Variants in CEP112 observed in about 807,000 individuals in gnomAD.
The protein encoded by CEP112 is centrosomal protein of 112 kDa.
CEP112 carries 127 observed loss-of-function variants against 153.0 expected under a neutral mutation model. The ratio of observed to expected loss-of-function variants is 0.83; its 90% confidence interval spans 0.72 to 0.96. The LOEUF (loss-of-function observed/expected upper bound fraction) is 0.96, where lower values mean the gene tolerates loss of function less well. Ranked by LOEUF, CEP112 falls within the 40% of genes least tolerant of loss-of-function variation. CEP112 has a pLI of 0.00. For missense variants in CEP112, 1,089 were observed against 1,101.2 expected, an observed-to-expected ratio of 0.99 and a Z score of 0.16; for synonymous variants, 358 against 374.4, an observed-to-expected ratio of 0.96 and a Z score of 0.51.
chr17:65,708,304 A>G (rs1376604820), intron 23 of CEP112, among the ~76,000 whole-genome samples: 2 of 152,192 alleles, frequency 1.3e-5, no homozygotes, highest in African/African-American at 4.8e-5. Flanking sequence ...AGTCCATTTG[A>G]TCTCCCACTA....
At chr17:65,707,312 C>A (rs183000378) in intron 23 of CEP112, among the ~76,000 whole-genome samples, 1 of 151,984 alleles carries the variant, frequency 6.6e-6, no homozygotes, top group Non-Finnish European at 1.5e-5. Flanking sequence ...CATGCATAAC[C>A]TACCCACTTC....
intron 6 of CEP112, among the ~76,000 whole-genome samples, chr17:66,120,389 C>T (rs926494715): frequency 7.2e-5 from 11 of 152,030 alleles, no homozygotes; most frequent in Admixed American, 6.5e-4. Flanking sequence ...TTAGTAGAGA[C>T]GAGGTTTTAC....
At chr17:66,131,475 C>T (rs919929616) in intron 5 of CEP112, among the ~76,000 whole-genome samples, 1 of 152,202 alleles carries the variant, frequency 6.6e-6, no homozygotes, top group African/African-American at 2.4e-5. Context: ...GGGGCAGTGG[C>T]TCACGCCTGT....
intron 4 of CEP112, among the ~76,000 whole-genome samples, chr17:66,151,124 CT>C (rs35033007): frequency 0.38 from 57,762 of 151,934 alleles, 11,721 homozygotes; most frequent in Non-Finnish European, 0.46. Flanking sequence ...TTGGCTCTTG[CT>C]TTTTTTATCC....
intron 21 of CEP112, among the ~76,000 whole-genome samples, chr17:65,845,424 T>C (rs1031201884): frequency 3.3e-5 from 5 of 152,218 alleles, no homozygotes; most frequent in Admixed American, 6.5e-5. Flanking sequence ...TGGAATATTC[T>C]TAGTATAATG....
chr17:65,925,091 T>A (rs534646254), intron 19 of CEP112, among the ~76,000 whole-genome samples: 1 of 152,152 alleles, frequency 6.6e-6, no homozygotes, highest in Non-Finnish European at 1.5e-5. Context: ...AATCCCCACG[T>A]GTGAAGGGCG....
At chr17:65,936,002 T>G (rs1405889889) in intron 18 of CEP112, among the ~76,000 whole-genome samples, 1 of 151,948 alleles carries the variant, frequency 6.6e-6, no homozygotes, top group Admixed American at 6.6e-5. Context: ...TACTAAACAT[T>G]AGCTTGACTA....
intron 18 of CEP112, among the ~76,000 whole-genome samples, chr17:65,927,981 A>T (rs2060989832): frequency 6.6e-6 from 1 of 152,210 alleles, no homozygotes; most frequent in South Asian, 2.1e-4. Context: ...AAATTTAATT[A>T]AGCCCTTGGT....
At position 65,972,986 on chromosome 17, in the gene CEP112, G is replaced by A. The variant is rs9916652; in HGVS notation, c.1737-11388C>T. On this transcript the variant is annotated intron_variant, in intron 17 of 26. Coordinates refer to ENST00000535342, the MANE Select transcript of CEP112 (RefSeq NM_001199165.4). Reference sequence around the variant, plus strand: ...TCACCATGTTGGCCAGGCTGATCTCGAACTCCTGACCTCAGGTGATCTGCC... The same window carrying A: ...TCACCATGTTGGCCAGGCTGATCTCAAACTCCTGACCTCAGGTGATCTGCC... 1.5e-3 allele frequency among the ~76,000 whole-genome samples: 233 copies of A among 152,254 alleles called. 2 individuals are homozygous for A. Among genetic ancestry groups the A allele is most frequent in the African/African-American group, 5.4e-3 (223 of 41,554 alleles).
At chr17:66,089,769 C>T (rs2068068395) in intron 8 of CEP112, among the ~76,000 whole-genome samples, 1 of 151,964 alleles carries the variant, frequency 6.6e-6, no homozygotes, top group African/African-American at 2.4e-5. Flanking sequence ...TTTATTTAAA[C>T]AAATAATAGC....
chr17:65,647,026 C>G (rs927125621), intron 24 of CEP112, among the ~76,000 whole-genome samples: 1 of 152,114 alleles, frequency 6.6e-6, no homozygotes, highest in Non-Finnish European at 1.5e-5. Flanking sequence ...TATGTCTGAC[C>G]TAAAATAAAA....
At chr17:65,678,671 C>A (rs2047354853) in intron 24 of CEP112, among the ~76,000 whole-genome samples, 1 of 152,156 alleles carries the variant, frequency 6.6e-6, no homozygotes, top group Non-Finnish European at 1.5e-5. Flanking sequence ...TCTTCGTCAT[C>A]CGTCAGTATT....
At chr17:65,920,401 AT>A (rs1568230062) in intron 19 of CEP112, among the ~76,000 whole-genome samples, 8 of 117,206 alleles carry the variant, frequency 6.8e-5, no homozygotes, top group East Asian at 5.3e-4. Context: ...ATATATATAT[AT>A]ATAATTATAA....
At chr17:65,796,104 TAA>T (rs1342115068) in intron 21 of CEP112, among the ~76,000 whole-genome samples, 2 of 152,180 alleles carry the variant, frequency 1.3e-5, no homozygotes, top group Non-Finnish European at 2.9e-5. Flanking sequence ...AAGAACCAGT[TAA>T]AGTTACATCT....
Position 66,028,326 on chromosome 17 carries a change from T to C in CEP112, c.1583A>G (p.Lys528Arg), listed in dbSNP as rs976015872. Residue 528 changes from lysine (K) to arginine (R), a missense_variant, in exon 15 of 27, where the codon AAG becomes AGG. Coordinates refer to ENST00000535342, the MANE Select transcript of CEP112 (RefSeq NM_001199165.4). ...QQLQESELQR[K>R]QQLRDQENKF... ...TACAAGACTCACCCTTAGTTGTTGC[T>C]TTCTTTGAAGTTCTGATTCCTGTAA... 102 of 1,594,920 alleles carry C rather than the reference T, an allele frequency of 6.4e-5. No homozygotes were observed. The highest frequency in any genetic ancestry group is 8.4e-5 in the Non-Finnish European group (98 of 1,167,280).
At chr17:66,022,478 G>A (rs1482473075) in intron 16 of CEP112, among the ~76,000 whole-genome samples, 1 of 152,032 alleles carries the variant, frequency 6.6e-6, no homozygotes, top group Non-Finnish European at 1.5e-5. Flanking sequence ...GGAGGCTGAG[G>A]TGGGCAGATC....
At chr17:65,800,181 T>C (rs2055179874) in intron 21 of CEP112, among the ~76,000 whole-genome samples, 1 of 152,176 alleles carries the variant, frequency 6.6e-6, no homozygotes. Flanking sequence ...TAATGGTTTT[T>C]ACTGTATTCT....
At chr17:65,915,582 G>A (rs570399983) in intron 19 of CEP112, among the ~76,000 whole-genome samples, 30 of 152,032 alleles carry the variant, frequency 2.0e-4, no homozygotes, top group Admixed American at 1.1e-3. Flanking sequence ...TCAGGAGTTC[G>A]AGACCAGCCT....
At chr17:66,052,077 T>G (rs2066465617) in intron 12 of CEP112, among the ~76,000 whole-genome samples, 1 of 152,170 alleles carries the variant, frequency 6.6e-6, no homozygotes, top group Non-Finnish European at 1.5e-5. Flanking sequence ...CTGAATACTG[T>G]ATTGAAAGTG....
Sources: gnomAD v4.1 joint callset for allele counts (sites outside exome capture counted in the v4.1 genomes callset) on GRCh38, gnomAD v4.1.1 for gene constraint, MANE v1.5 for transcripts, NCBI Gene and HGNC (gene_info 2026-07-23, HGNC 2026-07-21) for gene names.